Variants in SVIL observed in about 807,000 individuals in gnomAD.
SVIL encodes archvillin.
Under a neutral mutation model 240.4 loss-of-function variants are expected in SVIL, and 101 were observed. The ratio of observed to expected loss-of-function variants is 0.42; its 90% CI spans 0.36 to 0.50. The LOEUF (loss-of-function observed/expected upper bound fraction) is 0.50, where lower values mean the gene tolerates loss of function less well. SVIL is among the 20% of genes least tolerant of loss of function. The pLI is 0.01. For synonymous variants in SVIL, 999 were observed against 1,100.0 expected, an observed-to-expected ratio of 0.91 and a Z score of 1.82; for missense variants, 2,512 against 2,818.7, an observed-to-expected ratio of 0.89 and a Z score of 2.46.
At chr10:29,506,076 T>G (rs1338478267) in intron 17 of SVIL, among the ~76,000 whole-genome samples, 1 of 152,250 alleles carries the variant, frequency 6.6e-6, no homozygotes, top group African/African-American at 2.4e-5. Flanking sequence ...TTTTAATTTT[T>G]TAACTGTTGT....
At chr10:29,574,038 C>T (rs1402915119) in intron 1 of SVIL, among the ~76,000 whole-genome samples, 4 of 152,128 alleles carry the variant, frequency 2.6e-5, no homozygotes, top group Admixed American at 1.3e-4. Context: ...TTTAACCGAG[C>T]GCTGATGGTG....
intron 1 of SVIL, among the ~76,000 whole-genome samples, chr10:29,700,628 A>G (rs1299986168): frequency 6.6e-6 from 1 of 151,396 alleles, no homozygotes; most frequent in African/African-American, 2.4e-5. Context: ...CCGCCACCAC[A>G]CCCGACTAGT....
intron 17 of SVIL, among the ~76,000 whole-genome samples, chr10:29,510,978 G>A (rs201343937): frequency 0.045 from 4,830 of 107,588 alleles, 71 homozygotes; most frequent in African/African-American, 0.17. Flanking sequence ...GCTTATTTTA[G>A]CTTCAAAGAG....
chr10:29,715,117 A>G (rs961583340), intron 1 of SVIL, among the ~76,000 whole-genome samples: 4 of 152,168 alleles, frequency 2.6e-5, no homozygotes, highest in African/African-American at 9.7e-5. Flanking sequence ...AACGGTCAGA[A>G]TATAAATTGA....
chr10:29,480,274 G>C (rs1946682735), intron 29 of SVIL, among the ~76,000 whole-genome samples: 4 of 152,200 alleles, frequency 2.6e-5, no homozygotes, highest in Admixed American at 6.5e-5. Flanking sequence ...GGGAGGGAGA[G>C]AGGGAGCTGA....
At chr10:29,466,272 T>C (rs1187135653) in intron 33 of SVIL, among the ~76,000 whole-genome samples, 2 of 151,872 alleles carry the variant, frequency 1.3e-5, no homozygotes, top group African/African-American at 4.8e-5. Context: ...TATTGTATTT[T>C]ATATACATTA....
chr10:29,612,351 G>C (rs1487765335), intron 1 of SVIL, among the ~76,000 whole-genome samples: 3 of 152,194 alleles, frequency 2.0e-5, no homozygotes, highest in Non-Finnish European at 2.9e-5. Flanking sequence ...CTAGCTTCTT[G>C]TGTATTGGTA....
At chr10:29,652,225 G>A (rs1358920957) in intron 3 of SVIL, among the ~76,000 whole-genome samples, 2 of 152,112 alleles carry the variant, frequency 1.3e-5, no homozygotes, top group East Asian at 3.9e-4. Context: ...TACACCCCCT[G>A]TCGTAGGCAA....
chr10:29,686,314 G>A (rs768990653), intron 2 of SVIL, among the ~76,000 whole-genome samples: 1 of 152,176 alleles, frequency 6.6e-6, no homozygotes. Context: ...TCTAAGGAAA[G>A]GAGTCAACTG....
chr10:29,521,872 A>G (rs1438525233), intron 16 of SVIL, among the ~76,000 whole-genome samples: 1 of 152,218 alleles, frequency 6.6e-6, no homozygotes, highest in African/African-American at 2.4e-5. Context: ...CTGACATACA[A>G]TTTCTAAATG....
rs1388681317 is a variant in SVIL at position 29,555,039 on chromosome 10, T to A, written c.8+12A>T. ...CTCTTCTACTTCCTAACTCCCACTA[T>A]AAAGATCTTACCTTTTCATTTCTAA... On this transcript the variant is annotated intron_variant, in intron 4 of 37. Transcript: ENST00000355867. 1.4e-5 allele frequency: 22 copies of A among 1,613,100 alleles called. No homozygotes were observed. Among genetic ancestry groups the A allele is most frequent in the Non-Finnish European group, 1.8e-5 (21 of 1,179,710 alleles).
chr10:29,734,225 A>G (rs1489260925), intron 1 of SVIL, among the ~76,000 whole-genome samples: 1 of 152,184 alleles, frequency 6.6e-6, no homozygotes, highest in Admixed American at 6.5e-5. Context: ...AGTTCTCTTC[A>G]TATACATTAA....
At chr10:29,666,237 C>A (rs773807781) in intron 2 of SVIL, among the ~76,000 whole-genome samples, 1 of 152,162 alleles carries the variant, frequency 6.6e-6, no homozygotes, top group Non-Finnish European at 1.5e-5. Context: ...AACCATTATG[C>A]TCTGATGTTC....
chr10:29,471,057 C>G, intron 31 of SVIL, 81 bp downstream of exon 31: 2 of 1,292,052 alleles, frequency 1.5e-6, no homozygotes, highest in Non-Finnish European at 2.2e-6. Flanking sequence ...AAGACAGACT[C>G]ACTTTCAGCC....
chr10:29,674,833 G>A (rs1402809359), intron 2 of SVIL, among the ~76,000 whole-genome samples: 1 of 152,058 alleles, frequency 6.6e-6, no homozygotes, highest in Non-Finnish European at 1.5e-5. Context: ...TGCATTCCTT[G>A]GCTCACGGCC....
intron 16 of SVIL, among the ~76,000 whole-genome samples, chr10:29,516,776 G>C (rs571463337): frequency 6.6e-6 from 1 of 152,242 alleles, no homozygotes; most frequent in South Asian, 2.1e-4. Context: ...CAGGACACCC[G>C]GGGAAACGGT....
At chr10:29,727,257 T>C (rs1192270164) in intron 1 of SVIL, among the ~76,000 whole-genome samples, 4 of 152,158 alleles carry the variant, frequency 2.6e-5, no homozygotes, top group East Asian at 1.9e-4. Flanking sequence ...TTAAAGAAGA[T>C]TGCTGAAACA....
intron 1 of SVIL, among the ~76,000 whole-genome samples, chr10:29,698,988 A>G (rs1348927139): frequency 1.3e-5 from 2 of 152,226 alleles, no homozygotes; most frequent in Admixed American, 6.5e-5. Context: ...GAATGACACT[A>G]TAAAACTGTA....
At chr10:29,732,390 T>C (rs1217891645) in intron 1 of SVIL, among the ~76,000 whole-genome samples, 4 of 152,196 alleles carry the variant, frequency 2.6e-5, no homozygotes, top group Non-Finnish European at 5.9e-5. Flanking sequence ...TTATATCCAT[T>C]ATATATACTA....
Sources: allele counts gnomAD v4.1 joint callset (sites outside exome capture counted in the v4.1 genomes callset), GRCh38; gene constraint gnomAD v4.1.1; transcripts MANE v1.5; gene names NCBI Gene and HGNC (gene_info 2026-07-23, HGNC 2026-07-21).